Variants in ZIM2 observed in about 807,000 individuals in gnomAD.
ZIM2 encodes zinc finger imprinted 2.
A neutral mutation model predicts 38.6 loss-of-function variants in ZIM2; 14 were observed. The observed-to-expected ratio is 0.36, with a 90% CI of 0.24 to 0.57. The LOEUF is 0.57. ZIM2 is among the 20% of genes least tolerant of loss of function. The pLI, the probability that ZIM2 is intolerant of heterozygous loss-of-function variation, is 0.81. For missense variants in ZIM2, 680 were observed against 695.1 expected, an observed-to-expected ratio of 0.98 and a Z score of 0.24; for synonymous variants, 247 against 245.8, an observed-to-expected ratio of 1.00 and a Z score of -0.04.
At chr19:56,806,119 A>G (rs1028473704) in intron 9 of ZIM2, among the ~76,000 whole-genome samples, 3 of 152,184 alleles carry the variant, frequency 2.0e-5, no homozygotes, top group African/African-American at 7.2e-5. Flanking sequence ...CAAATAGGAG[A>G]AATGTTACCA....
intron 8 of ZIM2, among the ~76,000 whole-genome samples, chr19:56,818,372 C>CTGCTTGTCCCCACCCTGTACAA (rs2060176781): frequency 1.3e-5 from 2 of 152,218 alleles, no homozygotes; most frequent in African/African-American, 4.8e-5. Flanking sequence ...AAGCATCTCC[C>CTGCTTGTCCCCACCCTGTACAA]TGCTTGTCCC....
chr19:56,784,099 A>AT (rs2046467218), intron 10 of ZIM2, among the ~76,000 whole-genome samples: 1 of 152,216 alleles, frequency 6.6e-6, no homozygotes, highest in South Asian at 2.1e-4. Context: ...TACTTTGGCA[A>AT]TAAAAAAAAT....
rs2286750 is a variant in ZIM2 at position 56,779,365 on chromosome 19, C to T, written c.835+12G>A. On this transcript the variant is annotated intron_variant, in intron 12 of 12. Coordinates refer to ENST00000629319, the MANE Select transcript of ZIM2 (RefSeq NM_001387356.1). ...CCCCTCCTACACCCCGGGCTTCCCC[C>T]TCACTACTCACCTTGACAAATCACT... is the stretch of plus-strand genomic sequence containing the variant. The T allele has an allele frequency of 3.7e-5, 59 of 1,612,996 alleles. No individual in the cohort carries two copies. The highest frequency in any genetic ancestry group is 4.9e-5 in the Non-Finnish European group (58 of 1,179,398).
rs189603731 is a variant in ZIM2 at position 56,788,940 on chromosome 19, C to T, written c.570+932G>A. 1.4e-3 allele frequency among the ~76,000 whole-genome samples: 210 copies of T among 151,468 alleles called. 1 individual carries two copies. The highest frequency in any genetic ancestry group is 6.8e-3 in the Middle Eastern group (2 of 292). ...TATCCTTTCTTCTGCTTGATCGATT[C>T]GCTATTGATACTTATGTATGCTTCA... On this transcript the variant is annotated intron_variant, in intron 10 of 12. Coordinates refer to ENST00000629319, the MANE Select transcript of ZIM2 (RefSeq NM_001387356.1).
chr19:56,813,441 A>T, intron 9 of ZIM2: 1 of 1,348,818 alleles, frequency 7.4e-7, no homozygotes, highest in South Asian at 2.0e-5. Context: ...GAAAGGTAAG[A>T]TGTGTGCTAT....
At chr19:56,811,125 T>C in intron 9 of ZIM2, 4 of 984,292 alleles carry the variant, frequency 4.1e-6, no homozygotes, top group Non-Finnish European at 4.8e-6. Flanking sequence ...TTTTCTGTAT[T>C]TTCCAAGTGT....
At chr19:56,781,010 A>G (rs2046306172) in intron 11 of ZIM2, among the ~76,000 whole-genome samples, 1 of 152,236 alleles carries the variant, frequency 6.6e-6, no homozygotes, top group Admixed American at 6.5e-5. Context: ...GAAATGCTCC[A>G]GGTCACTGCA....
Position 56,774,873 on chromosome 19 carries a change from G to C in ZIM2, c.1492C>G (p.Gln498Glu), listed in dbSNP as rs761341604. 9 of 1,614,114 alleles carry C rather than the reference G, an allele frequency of 5.6e-6. No individual in the cohort carries two copies. The East Asian group carries it at 2.0e-4, about 36-fold the overall frequency. Residue 498 changes from glutamine (Q) to glutamate (E), a missense_variant, in exon 13 of 13, where the codon CAG (glutamine) becomes GAG (glutamate). Coordinates refer to ENST00000629319, the MANE Select transcript of ZIM2 (RefSeq NM_001387356.1). ...AAGACTCTGCCACAGTCACAACACT[G>C]GCAGGCTCTCTCTCCAACGTAGTCA... is the stretch of plus-strand genomic sequence containing the variant. ...KHDYVGERAC[Q>E]CCDCGRVFSR...
intron 2 of ZIM2, chr19:56,833,493 T>C: frequency 3.7e-6 from 1 of 267,536 alleles, no homozygotes; most frequent in South Asian, 4.0e-5. Flanking sequence ...CTACGTCACC[T>C]CCCAGTTTAA....
At chr19:56,836,493 T>C (rs2062119336) in intron 1 of ZIM2, among the ~76,000 whole-genome samples, 2 of 152,152 alleles carry the variant, frequency 1.3e-5, no homozygotes, top group South Asian at 4.1e-4. Flanking sequence ...ACGTAAAATA[T>C]TTTAGGGTTT....
At chr19:56,828,650 G>T (rs1239122574) in intron 2 of ZIM2, among the ~76,000 whole-genome samples, 2 of 152,030 alleles carry the variant, frequency 1.3e-5, no homozygotes, top group Non-Finnish European at 2.9e-5. Context: ...AAAGGGAGGG[G>T]GAAAAGTATT....
At chr19:56,812,775 G>A (rs183208867) in intron 9 of ZIM2, 93 of 984,120 alleles carry the variant, frequency 9.5e-5, no homozygotes, top group Admixed American at 6.2e-4. Context: ...GAAAAGCTTC[G>A]GGTTTTATCA....
chr19:56,790,455 C>G (rs2046872136), intron 9 of ZIM2, among the ~76,000 whole-genome samples: 1 of 152,198 alleles, frequency 6.6e-6, no homozygotes, highest in Non-Finnish European at 1.5e-5. Flanking sequence ...CTTTCCTGCT[C>G]TGTCCCACCT....
chr19:56,774,725 T>A lies in ZIM2; in HGVS notation c.1640A>T (p.His547Leu), dbSNP rs775543084. 1 of 1,614,082 alleles carries A rather than the reference T, an allele frequency of 6.2e-7. No homozygotes were observed. Residue 547 changes from histidine (H) to leucine (L), a missense_variant, in exon 13 of 13, where the codon CAT (histidine) becomes CTT (leucine). Coordinates refer to ENST00000629319, the MANE Select transcript of ZIM2 (RefSeq NM_001387356.1). ...PSYLTQHYQL[H>L]SQEKTVECDH... ...GCACTCAACAGTTTTCTCTTGAGAA[T>A]GGAGTTGATAATGTTGAGTGAGGTA...
rs770355537 is a variant in ZIM2, at chr19:56,821,575, C to G, written c.294+76G>C. 2.6e-6 allele frequency: 4 copies of G among 1,568,008 alleles called. No individual in the cohort carries two copies. The East Asian group carries it at 6.7e-5, about 26-fold the overall frequency. The stretch of plus-strand genomic sequence containing the variant: ...GGACTCTAGGGGGCAGATAAACACA[C>G]CATCTGGGGAAAGAAAGGCGTCTCT... On this transcript the variant is annotated intron_variant, in intron 7 of 12. Transcript: ENST00000629319.
At chr19:56,835,438 C>T (rs1250473285) in intron 2 of ZIM2, among the ~76,000 whole-genome samples, 4 of 152,168 alleles carry the variant, frequency 2.6e-5, no homozygotes, top group Non-Finnish European at 5.9e-5. Context: ...ACCCTATCCC[C>T]TCTGCTGAGA....
chr19:56,817,441 G>A, intron 9 of ZIM2: 1 of 1,613,920 alleles, frequency 6.2e-7, no homozygotes, highest in Non-Finnish European at 8.5e-7. Flanking sequence ...CCGGTCGCTT[G>A]ACTCCCTTGC....
At chr19:56,825,904 T>C (rs565631867) in intron 3 of ZIM2, among the ~76,000 whole-genome samples, 12 of 152,328 alleles carry the variant, frequency 7.9e-5, no homozygotes, top group African/African-American at 2.6e-4. Context: ...AATGTGGTAA[T>C]CACGGTAAAC....
At chr19:56,830,967 T>C (rs2061516617) in intron 2 of ZIM2, among the ~76,000 whole-genome samples, 1 of 147,962 alleles carries the variant, frequency 6.8e-6, no homozygotes, top group East Asian at 1.9e-4. Context: ...TAAAATAAAA[T>C]AAATGACAGA....
Sources: allele counts gnomAD v4.1 joint callset (sites outside exome capture counted in the v4.1 genomes callset), GRCh38; gene constraint gnomAD v4.1.1; transcripts MANE v1.5; gene names NCBI Gene and HGNC (gene_info 2026-07-23, HGNC 2026-07-21).